The following RCAN2 variants were observed in gnomAD, a reference collection of about 807,000 sequenced individuals.
The protein encoded by RCAN2 is calcipressin-2.
Under a neutral mutation model 23.6 loss-of-function variants are expected in RCAN2, and 9 were observed. The ratio of observed to expected loss-of-function variants is 0.38; its 90% CI spans 0.23 to 0.67. The LOEUF (loss-of-function observed/expected upper bound fraction) is 0.67, where lower values mean the gene tolerates loss of function less well. RCAN2 is among the 30% of genes least tolerant of loss of function. The probability of loss-of-function intolerance (pLI) is 0.51; values close to 1 mark genes in which losing one functional copy is unlikely to be tolerated. For missense variants in RCAN2, 273 were observed against 302.3 expected, an observed-to-expected ratio of 0.90 and a Z score of 0.72; for synonymous variants, 109 against 115.7, an observed-to-expected ratio of 0.94 and a Z score of 0.37.
intron 2 of RCAN2, among the ~76,000 whole-genome samples, chr6:46,427,826 G>C (rs1767077162): frequency 6.6e-6 from 1 of 152,236 alleles, no homozygotes; most frequent in African/African-American, 2.4e-5. Context: ...ATTGTCTGTT[G>C]ATTCCACATA....
chr6:46,479,330 T>C (rs1768794517), intron 1 of RCAN2, among the ~76,000 whole-genome samples: 1 of 152,190 alleles, frequency 6.6e-6, no homozygotes, highest in South Asian at 2.1e-4. Context: ...CTTAAATACA[T>C]ACAAACATAA....
intron 2 of RCAN2, among the ~76,000 whole-genome samples, chr6:46,372,160 A>C (rs558886220): frequency 6.6e-6 from 1 of 152,322 alleles, no homozygotes; most frequent in Non-Finnish European, 1.5e-5. Flanking sequence ...GGTGTTTCTT[A>C]TTAACCATGG....
chr6:46,481,068 G>A (rs958946841), intron 1 of RCAN2, among the ~76,000 whole-genome samples: 2 of 152,110 alleles, frequency 1.3e-5, no homozygotes, highest in African/African-American at 2.4e-5. Context: ...CTGAGTGCCC[G>A]CCATATGCAA....
At chr6:46,467,149 G>C (rs1768408534) in intron 1 of RCAN2, among the ~76,000 whole-genome samples, 1 of 152,118 alleles carries the variant, frequency 6.6e-6, no homozygotes, top group Admixed American at 6.5e-5. Context: ...ACCCAATGTT[G>C]AGCGCAGGAG....
intron 2 of RCAN2, among the ~76,000 whole-genome samples, chr6:46,448,091 A>T (rs1279724114): frequency 1.3e-5 from 2 of 151,768 alleles, no homozygotes; most frequent in Non-Finnish European, 3.0e-5. Flanking sequence ...AACAACCCTT[A>T]AGCTAGCTTA....
chr6:46,310,705 A>T (rs933071272), intron 2 of RCAN2, among the ~76,000 whole-genome samples: 5 of 152,210 alleles, frequency 3.3e-5, no homozygotes, highest in African/African-American at 1.2e-4. Context: ...AGCAACTGAT[A>T]TCATCAAAAT....
In RCAN2 at chr6:46,353,756, G is replaced by A. The variant is rs554161059; in HGVS notation, c.225+102996C>T. Among the ~76,000 whole-genome samples, 109 of 152,176 alleles carry A rather than the reference G, an allele frequency of 7.2e-4. 1 individual carries two copies. The highest frequency in any genetic ancestry group is 1.9e-3 in the Admixed American group (29 of 15,280). The stretch of plus-strand genomic sequence containing the variant: ...AGGACAGTGTTTAATTTCCCAGGCG[G>A]CAGAGAAGGAAACACTGATTTATTT... On this transcript the variant is annotated intron_variant, in intron 2 of 4. Coordinates refer to ENST00000371374, the MANE Select transcript of RCAN2 (RefSeq NM_001251974.2).
At chr6:46,268,866 G>T (rs1471256538) in intron 2 of RCAN2, among the ~76,000 whole-genome samples, 4 of 152,152 alleles carry the variant, frequency 2.6e-5, no homozygotes, top group African/African-American at 9.7e-5. Context: ...GAAGGCAGGG[G>T]TCAGCAAACT....
At chr6:46,407,430 C>G (rs1017496198) in intron 2 of RCAN2, among the ~76,000 whole-genome samples, 1 of 152,182 alleles carries the variant, frequency 6.6e-6, no homozygotes, top group African/African-American at 2.4e-5. Context: ...ATTTTTAAAA[C>G]AGTTGTTTTA....
chr6:46,404,749 A>T (rs966910783), intron 2 of RCAN2, among the ~76,000 whole-genome samples: 1 of 152,246 alleles, frequency 6.6e-6, no homozygotes, highest in Non-Finnish European at 1.5e-5. Flanking sequence ...AATGGAGGTC[A>T]GAGTCCAGGA....
At chr6:46,233,509 G>A (rs1765971860) in intron 4 of RCAN2, among the ~76,000 whole-genome samples, 1 of 152,148 alleles carries the variant, frequency 6.6e-6, no homozygotes, top group South Asian at 2.1e-4. Context: ...CTCAAATGAG[G>A]AATAGAAAGG....
intron 2 of RCAN2, among the ~76,000 whole-genome samples, chr6:46,413,961 C>T (rs1179650913): frequency 1.3e-5 from 2 of 152,098 alleles, no homozygotes; most frequent in East Asian, 3.9e-4. Context: ...GACCACGGCC[C>T]CCAGCCACCC....
intron 2 of RCAN2, among the ~76,000 whole-genome samples, chr6:46,312,224 T>A (rs1763287637): frequency 6.6e-6 from 1 of 152,322 alleles, no homozygotes; most frequent in East Asian, 1.9e-4. Flanking sequence ...CTTTTCTTTC[T>A]CCTAGCGTGG....
intron 2 of RCAN2, among the ~76,000 whole-genome samples, chr6:46,367,629 G>C (rs115892051): frequency 0.02 from 2,990 of 152,134 alleles, 95 homozygotes; most frequent in African/African-American, 0.064. Flanking sequence ...TCTTATCAAG[G>C]GTAATGGATG....
chr6:46,318,226 A>T (rs890600438), intron 2 of RCAN2, among the ~76,000 whole-genome samples: 1 of 152,174 alleles, frequency 6.6e-6, no homozygotes, highest in African/African-American at 2.4e-5. Flanking sequence ...AGGGGAAGAA[A>T]ATCTTACAAT....
chr6:46,414,178 A>G lies in RCAN2; in HGVS notation c.225+42574T>C, dbSNP rs1317831540. 2.6e-5 allele frequency among the ~76,000 whole-genome samples: 4 copies of G among 152,222 alleles called. No individual in the cohort carries two copies. In the East Asian group the frequency reaches 7.7e-4, roughly 29 times the overall value. On this transcript the variant is annotated intron_variant, in intron 2 of 4. Transcript: ENST00000371374. ...TTTAAAAATTAATTTTCTATTCTAA[A>G]TATATTTAATAAGTGCCCATTTTGC...
At chr6:46,454,597 T>C (rs1469850635) in intron 2 of RCAN2, among the ~76,000 whole-genome samples, 2 of 152,222 alleles carry the variant, frequency 1.3e-5, no homozygotes, top group African/African-American at 4.8e-5. Flanking sequence ...CTGAATTACA[T>C]AGACTTCAGC....
chr6:46,433,115 A>C lies in RCAN2; in HGVS notation c.225+23637T>G, dbSNP rs185801019. On this transcript the variant is annotated intron_variant, in intron 2 of 4. Coordinates refer to ENST00000371374, the MANE Select transcript of RCAN2 (RefSeq NM_001251974.2). ...TATGTTAACAACAATAATAATCAGG[A>C]ATATAATATCAAATTTTAGTGATCC... Among the ~76,000 whole-genome samples, 6 of 152,312 alleles carry C rather than the reference A, an allele frequency of 3.9e-5. No homozygotes were observed. In the East Asian group the frequency reaches 1.2e-3, roughly 29 times the overall value.
Position 46,253,950 on chromosome 6 carries a change from T to C in RCAN2, c.226-5054A>G, listed in dbSNP as rs369494420. On this transcript the variant is annotated intron_variant, in intron 2 of 4. Coordinates refer to ENST00000371374, the MANE Select transcript of RCAN2 (RefSeq NM_001251974.2). Reference sequence around the variant, plus strand: ...TAGAGCTTGGATGTGTAGTACGCTATACCATCTAGATTTGTGTAAATACAC... The same window carrying C: ...TAGAGCTTGGATGTGTAGTACGCTACACCATCTAGATTTGTGTAAATACAC... Among the ~76,000 whole-genome samples, 7 of 152,304 alleles carry C rather than the reference T, an allele frequency of 4.6e-5. No homozygotes were observed. In the East Asian group the frequency reaches 1.4e-3, roughly 29 times the overall value.
Sources: allele counts gnomAD v4.1 joint callset (sites outside exome capture counted in the v4.1 genomes callset), GRCh38; gene constraint gnomAD v4.1.1; transcripts MANE v1.5; gene names NCBI Gene and HGNC (gene_info 2026-07-23, HGNC 2026-07-21).